Variants in C3AR1 observed in about 807,000 individuals in gnomAD.
C3AR1 encodes complement C3a receptor 1, also known as C3a anaphylatoxin chemotactic receptor.
For missense variants in C3AR1, 579 were observed against 583.5 expected (o/e 0.99, Z 0.08); for synonymous variants, 208 against 225.3 (o/e 0.92, Z 0.69).
chr12:8,062,949 C>CTTTTTTTTTTTTTTT (rs71451936), intron 1 of C3AR1, among the ~76,000 whole-genome samples: 1 of 56,324 alleles, frequency 1.8e-5, no homozygotes, highest in African/African-American at 7.1e-5. Flanking sequence ...GCGCCCGGCC[C>CTTTTTTTTTTTTTTT]TTTTTTTTTT....
chr12:8,059,375 TG>T lies in C3AR1; in HGVS notation c.810del (p.Ser271ValfsTer24), dbSNP rs1947241175. On this transcript the variant is annotated frameshift_variant, in exon 2 of 2. Coordinates refer to ENST00000307637, the MANE Select transcript of C3AR1 (RefSeq NM_004054.4). LOFTEE classifies it low-confidence loss of function (END_TRUNC). ...TCGTGATCTTCAATAGGAAACCCAC[TG>T]GGGATTTTAGGTGAGACCACATCAG... ...KPADVVSPKI[P>X]SGFPIEDHET... is the part of the protein sequence containing the mutation. 4.3e-6 allele frequency: 7 copies of T among 1,614,186 alleles called. No homozygotes were observed. The highest frequency in any genetic ancestry group is 5.9e-6 in the Non-Finnish European group (7 of 1,180,036).
Position 8,059,211 on chromosome 12 carries a change from A to T in C3AR1, c.975T>A (p.Asp325Glu). 1 of 1,614,240 alleles carries T rather than the reference A, an allele frequency of 6.2e-7. No homozygotes were observed. ...QDYYNLGQFT[D>E]DDQVPTPLVA... ...CGAGGGGTGTTGGCACTTGATCGTC[A>T]TCTGTGAATTGGCCTAAATTGTAAT... Residue 325 changes from aspartate to glutamate, a missense_variant, in exon 2 of 2, where the codon GAT (aspartate) becomes GAA (glutamate). Transcript: ENST00000307637.
rs565888265 is a variant in C3AR1 at position 8,064,376 on chromosome 12, T to C, written c.-11+1902A>G. On this transcript the variant is annotated intron_variant, in intron 1 of 1. Transcript: ENST00000307637. ...CTCATATGATTAGCAGAAGTTAAAA[T>C]AGCAAGTCAACAAAATAATAAAAAA... 1.3e-4 allele frequency among the ~76,000 whole-genome samples: 20 copies of C among 152,186 alleles called. No individual in the cohort carries two copies. The South Asian group carries it at 4.1e-3, about 32-fold the overall frequency.
In C3AR1 at chr12:8,059,966, A is replaced by T; in HGVS notation, c.220T>A (p.Ser74Thr). The T allele has an allele frequency of 6.2e-7, 1 of 1,614,152 alleles. No homozygotes were observed. The highest frequency in any genetic ancestry group is 8.5e-7 in the Non-Finnish European group (1 of 1,180,030). ...AAGTGAGCCAGCGAGAAGGGCAAGG[A>T]GAGGCAGCAGAGGAGGTCCGCCAAG... Reference protein sequence around the residue: ...LTLADLLCCLSLPFSLAHLAL... With the variant: ...LTLADLLCCLTLPFSLAHLAL... Residue 74 changes from serine to threonine, a missense_variant, in exon 2 of 2, where the codon TCC becomes ACC. Coordinates refer to ENST00000307637, the MANE Select transcript of C3AR1 (RefSeq NM_004054.4).
rs1947235109 is a variant in C3AR1 at position 8,059,139 on chromosome 12, A to G, written c.1047T>C (p.Ser349=). The G allele has an allele frequency of 1.2e-6, 2 of 1,614,234 alleles. No homozygotes were observed. The highest frequency in any genetic ancestry group is 1.3e-5 in the African/African-American group (1 of 75,056). ...AGCTGTAACAGGCTATCATGATAAC[A>G]GAGGGCAGCAGGAAACCCACCACTA... The part of the protein sequence containing the change: ...TRLVVGFLLP[S]VIMIACYSFI... Residue 349 remains serine, a synonymous_variant, in exon 2 of 2, where the codon TCT becomes TCC. Transcript: ENST00000307637.
intron 1 of C3AR1, among the ~76,000 whole-genome samples, chr12:8,065,245 C>G (rs923332425): frequency 6.6e-6 from 1 of 150,742 alleles, no homozygotes; most frequent in Non-Finnish European, 1.5e-5. Flanking sequence ...GTAGCAGGGA[C>G]TGCAAACAGC....
chr12:8,065,796 C>A (rs7954916), intron 1 of C3AR1, among the ~76,000 whole-genome samples: 38,270 of 151,576 alleles, frequency 0.25, 5,103 homozygotes, highest in Non-Finnish European at 0.3. Context: ...GTTGACCAGC[C>A]GTAATTTAAA....
Position 8,059,957 on chromosome 12 carries a change from AG to A in C3AR1, c.228del (p.Phe77SerfsTer60). 6.2e-7 allele frequency: 1 copy of A among 1,614,180 alleles called. No homozygotes were observed. The highest frequency in any genetic ancestry group is 8.5e-7 in the Non-Finnish European group (1 of 1,180,030). On this transcript the variant is annotated frameshift_variant, in exon 2 of 2. Transcript: ENST00000307637. LOFTEE classifies it low-confidence loss of function (END_TRUNC). The part of the protein sequence containing the change: ...LADLLCCLSL[P>X]FSLAHLALQG... ...TGGAGAGCCAAGTGAGCCAGCGAGA[AG>A]GGCAAGGAGAGGCAGCAGAGGAGGT...
chr12:8,058,555 T>C lies in C3AR1; in HGVS notation c.*182A>G. 1 of 671,068 alleles carries C rather than the reference T, an allele frequency of 1.5e-6. No individual in the cohort carries two copies. The highest frequency in any genetic ancestry group is 2.4e-6 in the Non-Finnish European group (1 of 410,770). 41.6% of individuals were successfully genotyped at this position (671,068 alleles called of 1,614,324 possible). A position where few individuals can be genotyped will look rare whatever the true frequency, so the allele number is the denominator to read the frequency against. ...GCAAGTCTGGGATGCGGCTTGAGAA[T>C]TTGCATTTCTAACAAGTTTCTAGGT... is the stretch of plus-strand genomic sequence containing the variant. On this transcript the variant is annotated 3_prime_UTR_variant, in exon 2 of 2. Coordinates refer to ENST00000307637, the MANE Select transcript of C3AR1 (RefSeq NM_004054.4).
At chr12:8,061,067 G>A (rs1947268674) in intron 1 of C3AR1, among the ~76,000 whole-genome samples, 1 of 152,198 alleles carries the variant, frequency 6.6e-6, no homozygotes, top group South Asian at 2.1e-4. Context: ...AGGTACTCTA[G>A]ACTCAGCGAT....
chr12:8,061,478 T>A (rs1248013966), intron 1 of C3AR1, among the ~76,000 whole-genome samples: 4 of 151,738 alleles, frequency 2.6e-5, no homozygotes, highest in Non-Finnish European at 4.4e-5. Context: ...TATTATTATT[T>A]TTGAGACAGA....
rs1022158562 is a variant in C3AR1, at chr12:8,060,289, G to C, written c.-10-94C>G. 10 of 1,095,358 alleles carry C rather than the reference G, an allele frequency of 9.1e-6. No individual in the cohort carries two copies. The African/African-American group carries it at 1.6e-4, about 17-fold the overall frequency. The allele number at this position is 1,095,358 out of a possible 1,614,324, so 67.9% of individuals were successfully genotyped here. A position where few individuals can be genotyped will look rare whatever the true frequency, so the allele number is the denominator to read the frequency against. On this transcript the variant is annotated intron_variant, in intron 1 of 1. Coordinates refer to ENST00000307637, the MANE Select transcript of C3AR1 (RefSeq NM_004054.4). Reference sequence around the variant, plus strand: ...TTCTAATCTTCCCACATAAAGATGTGGGATCATGAAACCAGAAGGTCCTCA... The same window carrying C: ...TTCTAATCTTCCCACATAAAGATGTCGGATCATGAAACCAGAAGGTCCTCA...
Position 8,059,890 on chromosome 12 carries a change from G to C in C3AR1, c.296C>G (p.Pro99Arg), listed in dbSNP as rs1591586694. 4 of 1,614,192 alleles carry C rather than the reference G, an allele frequency of 2.5e-6. No homozygotes were observed. The highest frequency in any genetic ancestry group is 3.4e-6 in the Non-Finnish European group (4 of 1,180,026). ...PYGRFLCKLIPSIIVLNMFAS... is the reference protein window; with the variant it reads ...PYGRFLCKLIRSIIVLNMFAS... Reference sequence around the variant, plus strand: ...AAACATGTTGAGGACAATGATGGAGGGGATGAGCTTGCATAGGAACCTGCC... The same window carrying C: ...AAACATGTTGAGGACAATGATGGAGCGGATGAGCTTGCATAGGAACCTGCC... Residue 99 changes from proline (P) to arginine (R), a missense_variant, in exon 2 of 2, where the codon CCC becomes CGC. Pro to Arg is a moderately radical substitution (Grantham distance 103). Coordinates refer to ENST00000307637, the MANE Select transcript of C3AR1 (RefSeq NM_004054.4).
chr12:8,058,521 T>G lies in C3AR1; in HGVS notation c.*216A>C, dbSNP rs147673995. 3,005 of 541,368 alleles carry G rather than the reference T, an allele frequency of 5.6e-3. 10 individuals carry two copies. The highest frequency in any genetic ancestry group is 0.014 in the Middle Eastern group (28 of 1,982). 33.5% of individuals were successfully genotyped at this position (541,368 alleles called of 1,614,324 possible). On this transcript the variant is annotated 3_prime_UTR_variant, in exon 2 of 2. Coordinates refer to ENST00000307637, the MANE Select transcript of C3AR1 (RefSeq NM_004054.4). ...TTGCTGGGTCCCAACCCCCAGAGAT[T>G]CCGATTCAGCAAGTCTGGGATGCGG...
Position 8,059,505 on chromosome 12 carries a change from A to C in C3AR1, c.681T>G (p.Thr227=). 6.2e-7 allele frequency: 1 copy of C among 1,614,202 alleles called. No homozygotes were observed. The highest frequency in any genetic ancestry group is 8.5e-7 in the Non-Finnish European group (1 of 1,180,018). ...TTTGAAATGTTTGAGGTTGGAAGAC[A>C]GTGGGGACTGTCCAAGGATGATCAT... ...QTNDHPWTVP[T]VFQPQTFQRP... is the part of the protein sequence containing the mutation. Residue 227 remains threonine, a synonymous_variant, in exon 2 of 2, where the codon ACT becomes ACG. Transcript: ENST00000307637.
In C3AR1 at chr12:8,058,978, G is replaced by A. The variant is rs1764259395; in HGVS notation, c.1208C>T (p.Thr403Ile). The A allele has an allele frequency of 1.2e-6, 2 of 1,614,094 alleles. No individual in the cohort carries two copies. Among genetic ancestry groups the A allele is most frequent in the Non-Finnish European group, 1.7e-6 (2 of 1,180,044 alleles). Residue 403 changes from threonine (T) to isoleucine (I), a missense_variant, in exon 2 of 2, where the codon ACT becomes ATT. Thr to Ile is a moderately conservative substitution (Grantham distance 89). Coordinates refer to ENST00000307637, the MANE Select transcript of C3AR1 (RefSeq NM_004054.4). ...TTTCCCCAAGGGAGTTTCTGGGTCA[G>A]TAAGCAATGACAGGACTCCAAAAAT... ...YHIFGVLSLL[T>I]DPETPLGKTL...
At chr12:8,061,173 T>C (rs1211416415) in intron 1 of C3AR1, among the ~76,000 whole-genome samples, 1 of 152,216 alleles carries the variant, frequency 6.6e-6, no homozygotes, top group Non-Finnish European at 1.5e-5. Flanking sequence ...CATTTCTTTC[T>C]TATTTATTTG....
chr12:8,060,677 G>A (rs541860853), intron 1 of C3AR1, among the ~76,000 whole-genome samples: 4 of 152,228 alleles, frequency 2.6e-5, no homozygotes, highest in Non-Finnish European at 4.4e-5. Flanking sequence ...TTATAGGCAT[G>A]AGCCACCATG....
intron 1 of C3AR1, among the ~76,000 whole-genome samples, chr12:8,063,423 T>G (rs1452408406): frequency 6.6e-6 from 1 of 152,172 alleles, no homozygotes; most frequent in African/African-American, 2.4e-5. Context: ...TCTGTGATAT[T>G]ACCTTCCCCT....
Sources: gnomAD v4.1 joint callset for allele counts (sites outside exome capture counted in the v4.1 genomes callset) on GRCh38, gnomAD v4.1.1 for gene constraint, MANE v1.5 for transcripts, NCBI Gene and HGNC (gene_info 2026-07-23, HGNC 2026-07-21) for gene names.